BCAS3: variants seen among roughly 807,000 people sequenced by gnomAD.
The protein encoded by BCAS3 is BCAS4/BCAS3 fusion.
Under a neutral mutation model 116.1 loss-of-function variants are expected in BCAS3, and 53 were observed. The observed-to-expected ratio is 0.46, with a 90% CI of 0.37 to 0.57. BCAS3 has a LOEUF of 0.57. BCAS3 is among the 20% of genes least tolerant of loss of function. The pLI is 0.00. For missense variants in BCAS3, 917 were observed against 1,165.4 expected (o/e 0.79, Z 3.10); for synonymous variants, 391 against 408.2 (o/e 0.96, Z 0.51).
chr17:60,924,755 T>TA (rs2059284943), intron 13 of BCAS3, among the ~76,000 whole-genome samples: 1 of 152,056 alleles, frequency 6.6e-6, no homozygotes, highest in South Asian at 2.1e-4. Context: ...GCTGTTGAGT[T>TA]ACATGAATTT....
chr17:61,331,753 C>T (rs947649594), intron 22 of BCAS3, among the ~76,000 whole-genome samples: 4 of 152,186 alleles, frequency 2.6e-5, no homozygotes, highest in African/African-American at 4.8e-5. Context: ...ATTCTTGTGA[C>T]GAGAACTCAT....
chr17:60,724,738 AT>A (rs1343916790), intron 5 of BCAS3, among the ~76,000 whole-genome samples: 1 of 146,736 alleles, frequency 6.8e-6, no homozygotes, highest in Non-Finnish European at 1.5e-5. Context: ...AAAAAAATTC[AT>A]TTTCTTTTAG....
chr17:61,254,516 C>A (rs1331759952), intron 22 of BCAS3, among the ~76,000 whole-genome samples: 1 of 151,870 alleles, frequency 6.6e-6, no homozygotes, highest in African/African-American at 2.4e-5. Flanking sequence ...CGGTGGCTCA[C>A]GCCTGTAATC....
chr17:61,244,730 G>T lies in BCAS3; in HGVS notation c.2426-123597G>T, dbSNP rs531294627. On this transcript the variant is annotated intron_variant, in intron 22 of 23. Coordinates refer to ENST00000407086, the MANE Select transcript of BCAS3 (RefSeq NM_017679.5). The surrounding 1 kb of genome is among the most constrained non-coding windows in gnomAD (Gnocchi z 4.9). Reference sequence around the variant, plus strand: ...TACAAAAAATTAGCAGGGCGTGGTGGTGGGCACCTGTAGTCCCAGTTACTT... The same window carrying T: ...TACAAAAAATTAGCAGGGCGTGGTGTTGGGCACCTGTAGTCCCAGTTACTT... 5.9e-5 allele frequency among the ~76,000 whole-genome samples: 9 copies of T among 152,204 alleles called. No homozygotes were observed. The highest frequency in any genetic ancestry group is 3.3e-4 in the Admixed American group (5 of 15,284).
In BCAS3 at chr17:61,325,289, T is replaced by G. The variant is rs1447801424; in HGVS notation, c.2426-43038T>G. ...ACTAACAACCGTACAAATAGCGCCCTGACCTTTTCATATCTGTGGGGCCTG... is the reference window on the plus strand; with the variant it reads ...ACTAACAACCGTACAAATAGCGCCCGGACCTTTTCATATCTGTGGGGCCTG... On this transcript the variant is annotated intron_variant, in intron 22 of 23. Transcript: ENST00000407086. The surrounding 1 kb of genome is among the most constrained non-coding windows in gnomAD (Gnocchi z 6.4). 6.6e-6 allele frequency among the ~76,000 whole-genome samples: 1 copy of G among 152,204 alleles called. No individual in the cohort carries two copies. Among genetic ancestry groups the G allele is most frequent in the African/African-American group, 2.4e-5 (1 of 41,454 alleles).
chr17:61,327,745 A>G lies in BCAS3; in HGVS notation c.2426-40582A>G, dbSNP rs2055859384. Among the ~76,000 whole-genome samples, 1 of 152,204 alleles carries G rather than the reference A, an allele frequency of 6.6e-6. No individual in the cohort carries two copies. The highest frequency in any genetic ancestry group is 1.5e-5 in the Non-Finnish European group (1 of 68,040). On this transcript the variant is annotated intron_variant, in intron 22 of 23. Transcript: ENST00000407086. The surrounding 1 kb of genome is among the most constrained non-coding windows in gnomAD (Gnocchi z 5.9). ...GGCAGGTCTCGAACTTCTGGCCTCA[A>G]GTGGTCCAGCTGCCTCAGCCTCCCA...
At chr17:61,218,844 A>G (rs548698208) in intron 22 of BCAS3, among the ~76,000 whole-genome samples, 1 of 152,344 alleles carries the variant, frequency 6.6e-6, no homozygotes, top group South Asian at 2.1e-4. Flanking sequence ...GTCACCCAAA[A>G]GTGTACCAGT....
intron 22 of BCAS3, among the ~76,000 whole-genome samples, chr17:61,176,360 T>G (rs2079146390): frequency 1.4e-5 from 1 of 70,782 alleles, no homozygotes; most frequent in African/African-American, 3.9e-5. Flanking sequence ...CCCAGAAAAT[T>G]TTTTTCTTCC....
At chr17:60,821,133 G>A (rs1253388311) in intron 7 of BCAS3, among the ~76,000 whole-genome samples, 1 of 152,064 alleles carries the variant, frequency 6.6e-6, no homozygotes, top group Non-Finnish European at 1.5e-5. Context: ...TTTTAGTAGA[G>A]ATGGGGTTTC....
chr17:61,341,797 G>A (rs540617424), intron 22 of BCAS3, among the ~76,000 whole-genome samples: 3 of 152,330 alleles, frequency 2.0e-5, no homozygotes, highest in African/African-American at 4.8e-5. Context: ...TTTTCTCTGC[G>A]ATACCCAAAA....
chr17:60,919,492 T>C (rs1203155792), intron 12 of BCAS3, among the ~76,000 whole-genome samples: 1 of 152,060 alleles, frequency 6.6e-6, no homozygotes, highest in Non-Finnish European at 1.5e-5. Context: ...GCCCAGCTAA[T>C]TTTTGTGTTT....
chr17:61,146,479 C>G (rs2077221515), intron 22 of BCAS3, among the ~76,000 whole-genome samples: 1 of 152,096 alleles, frequency 6.6e-6, no homozygotes, highest in Admixed American at 6.6e-5. Flanking sequence ...CTTTGAAATA[C>G]TTACTGTTTA....
At chr17:60,769,714 T>G (rs2044468340) in intron 6 of BCAS3, among the ~76,000 whole-genome samples, 1 of 152,164 alleles carries the variant, frequency 6.6e-6, no homozygotes. Flanking sequence ...CTCCTGTCTC[T>G]CTCCTTGGCC....
intron 22 of BCAS3, among the ~76,000 whole-genome samples, chr17:61,262,217 G>GA (rs146888254): frequency 0.015 from 2,139 of 145,740 alleles, 28 homozygotes; most frequent in African/African-American, 0.041. Context: ...TAACCAATTA[G>GA]AAAAAAAAAA....
rs1260297716 is a variant in BCAS3, at chr17:61,355,347, G to A, written c.2426-12980G>A. 6.6e-6 allele frequency among the ~76,000 whole-genome samples: 1 copy of A among 152,092 alleles called. No individual in the cohort carries two copies. Among genetic ancestry groups the A allele is most frequent in the African/African-American group, 2.4e-5 (1 of 41,390 alleles). ...GCCTCGTGTTTGACTTATTTGTGGA[G>A]CACAGAAATCACAGGATTTAGCTGG... On this transcript the variant is annotated intron_variant, in intron 22 of 23. Transcript: ENST00000407086. This position sits in a 1 kb window ranked among gnomAD's most constrained non-coding sequence, Gnocchi z 4.2.
At chr17:60,702,225 A>G (rs2036517818) in intron 4 of BCAS3, among the ~76,000 whole-genome samples, 1 of 152,244 alleles carries the variant, frequency 6.6e-6, no homozygotes, top group African/African-American at 2.4e-5. Context: ...ATAATTTTGT[A>G]GTGACCTCCT....
chr17:61,346,482 T>A lies in BCAS3; in HGVS notation c.2426-21845T>A, dbSNP rs760079134. Reference sequence around the variant, plus strand: ...GAGCTGCCTGGGGCTGTTGTGAGGCTCTGTGGGATAGCAGCACATTCAAGC... The same window carrying A: ...GAGCTGCCTGGGGCTGTTGTGAGGCACTGTGGGATAGCAGCACATTCAAGC... On this transcript the variant is annotated intron_variant, in intron 22 of 23. Coordinates refer to ENST00000407086, the MANE Select transcript of BCAS3 (RefSeq NM_017679.5). The surrounding 1 kb of genome is among the most constrained non-coding windows in gnomAD (Gnocchi z 5.4). Among the ~76,000 whole-genome samples the A allele has an allele frequency of 6.6e-6, 1 of 152,210 alleles. No homozygotes were observed. Among genetic ancestry groups the A allele is most frequent in the Non-Finnish European group, 1.5e-5 (1 of 68,040 alleles).
intron 5 of BCAS3, among the ~76,000 whole-genome samples, chr17:60,733,103 T>C (rs2040623244): frequency 1.3e-5 from 2 of 152,172 alleles, no homozygotes. Flanking sequence ...TTATATACTA[T>C]CAAATATACA....
At chr17:61,298,384 G>C (rs9909333) in intron 22 of BCAS3, among the ~76,000 whole-genome samples, 25,432 of 151,920 alleles carry the variant, frequency 0.17, 2,267 homozygotes, top group Middle Eastern at 0.2. Flanking sequence ...CACCCAGTCA[G>C]CTCCCTAGCT....
Sources: gnomAD v4.1 joint callset for allele counts (sites outside exome capture counted in the v4.1 genomes callset) on GRCh38, gnomAD v4.1.1 for gene constraint, Gnocchi (gnomAD v3.1) non-coding constraint, MANE v1.5 for transcripts, NCBI Gene and HGNC (gene_info 2026-07-23, HGNC 2026-07-21) for gene names.